ATP2B3: variants seen among roughly 807,000 people sequenced by gnomAD.
ATP2B3 encodes the protein ATPase plasma membrane Ca2+ transporting 3, also known as plasma membrane calcium-transporting ATPase 3.
In ATP2B3, 12 loss-of-function variants were observed where a neutral mutation model predicts 70.8. The observed-to-expected ratio is 0.17, with a 90% CI of 0.11 to 0.27. The LOEUF is 0.27. ATP2B3 is among the 10% of genes least tolerant of loss of function. The probability of loss-of-function intolerance (pLI) is 1.00; values close to 1 mark genes in which losing one functional copy is unlikely to be tolerated. For synonymous variants in ATP2B3, 460 were observed against 497.8 expected (o/e 0.92, Z 1.01); for missense variants, 858 against 1,118.5 (o/e 0.77, Z 3.32).
chrX:153,536,482 C>T (rs1306660260), intron 3 of ATP2B3, 27 bp downstream of exon 3: 1 of 1,170,758 alleles, frequency 8.5e-7, no homozygotes, highest in East Asian at 3.1e-5. Context: ...CTGCATGCCA[C>T]CCAGCCCTGC....
chrX:153,558,987 G>A (rs2090583802), intron 17 of ATP2B3, among the ~76,000 whole-genome samples: 1 of 111,763 alleles, frequency 8.9e-6, no homozygotes, highest in Non-Finnish European at 1.9e-5. Flanking sequence ...GCCTTAGAAA[G>A]GGGGTGTTTA....
chrX:153,571,388 G>A (rs1274459880), intron 21 of ATP2B3, among the ~76,000 whole-genome samples: 1 of 112,161 alleles, frequency 8.9e-6, no homozygotes, highest in African/African-American at 3.2e-5. Flanking sequence ...CTTCCTGTCT[G>A]TCTGTCCATT....
intron 10 of ATP2B3, among the ~76,000 whole-genome samples, 161 bp from the exon 11 acceptor site, chrX:153,549,336 C>T (rs781810911): frequency 9.0e-6 from 1 of 111,642 alleles, no homozygotes; most frequent in African/African-American, 3.3e-5. Context: ...TGCCTTACAG[C>T]CTCGCTATTG....
chrX:153,561,825 T>C (rs782228282), intron 19 of ATP2B3, among the ~76,000 whole-genome samples: 1 of 112,831 alleles, frequency 8.9e-6, no homozygotes. Context: ...TCTAGGGTCC[T>C]CCAGAATGAG....
In ATP2B3 at chrX:153,549,723, A is replaced by G. The variant is rs1557010583; in HGVS notation, c.1565A>G (p.Tyr522Cys). 1 of 1,211,284 alleles carries G rather than the reference A, an allele frequency of 8.3e-7. No individual in the cohort carries two copies. The highest frequency in any genetic ancestry group is 3.0e-5 in the East Asian group (1 of 33,817). ...CATGCCATCTCCATCAACAGTGCCT[A>G]TACCACCAAAATACTAGTGAGCTGG... ...LVHAISINSA[Y>C]TTKILPPEKE... The change falls in exon 11 of 22, where the codon TAT becomes TGT. Residue 522 changes from tyrosine to cysteine, a missense_variant. Physicochemically the swap from Tyr to Cys is radical, Grantham distance 194. Coordinates refer to ENST00000263519, the MANE Select transcript of ATP2B3 (RefSeq NM_001001344.3).
intron 21 of ATP2B3, among the ~76,000 whole-genome samples, chrX:153,567,517 G>A (rs782391265): frequency 3.5e-5 from 4 of 113,034 alleles, no homozygotes; most frequent in East Asian, 5.6e-4. Flanking sequence ...AGCCGAAGGC[G>A]ACGTTAGGTT....
chrX:153,572,496 AG>A (rs2090802960), intron 21 of ATP2B3, among the ~76,000 whole-genome samples: 1 of 112,226 alleles, frequency 8.9e-6, no homozygotes, highest in South Asian at 3.7e-4. Context: ...GGAAGTAGCA[AG>A]GGGGTGGCTA....
chrX:153,566,319 C>T (rs2090706795), intron 21 of ATP2B3, among the ~76,000 whole-genome samples: 1 of 112,945 alleles, frequency 8.9e-6, no homozygotes, highest in African/African-American at 3.2e-5. Context: ...GACACCACTG[C>T]ACACTTGGCT....
chrX:153,551,782 G>A (rs143080997), intron 12 of ATP2B3, among the ~76,000 whole-genome samples: 139 of 112,360 alleles, frequency 1.2e-3, no homozygotes, highest in African/African-American at 4.3e-3. Context: ...AAGGGAGAGT[G>A]CACAGCGTCA....
intron 2 of ATP2B3, among the ~76,000 whole-genome samples, chrX:153,522,401 C>T (rs1233929973): frequency 8.9e-6 from 1 of 112,299 alleles, no homozygotes; most frequent in African/African-American, 3.2e-5. Flanking sequence ...ACTGAGGCCA[C>T]GAGGCCAGCC....
chrX:153,569,186 A>G (rs1435756733), intron 21 of ATP2B3: 4 of 392,562 alleles, frequency 1.0e-5, no homozygotes, highest in Admixed American at 1.0e-4. Flanking sequence ...ATGGGGCATA[A>G]GTCCTCCGGG....
In ATP2B3 at chrX:153,523,257, A is replaced by G. The variant is rs139848509; in HGVS notation, c.-127+4706A>G. On this transcript the variant is annotated intron_variant, in intron 2 of 21. Transcript: ENST00000263519. ...ATGCAAAGAAGAAATTTGATCATTCAACAGTTATTTACCAAGCACCCGGGA... is the reference window on the plus strand; with the variant it reads ...ATGCAAAGAAGAAATTTGATCATTCGACAGTTATTTACCAAGCACCCGGGA... 2.9e-3 allele frequency among the ~76,000 whole-genome samples: 322 copies of G among 112,883 alleles called. 3 individuals are homozygous for G. The highest frequency in any genetic ancestry group is 9.5e-3 in the African/African-American group (294 of 31,089).
At chrX:153,562,034 G>A (rs1274057613) in intron 19 of ATP2B3, 101 bp from the exon 20 acceptor site, 16 of 751,305 alleles carry the variant, frequency 2.1e-5, no homozygotes, top group Non-Finnish European at 1.2e-5. Flanking sequence ...CCGTGCAACT[G>A]GGGGAACCAA....
intron 3 of ATP2B3, among the ~76,000 whole-genome samples, chrX:153,539,640 G>T (rs2090249493): frequency 8.8e-6 from 1 of 113,240 alleles, no homozygotes; most frequent in Non-Finnish European, 1.9e-5. Flanking sequence ...CCCAGGGCTG[G>T]GAGCTGCAAG....
chrX:153,518,095 C>T (rs1351380919), intron 1 of ATP2B3, among the ~76,000 whole-genome samples: 2 of 111,460 alleles, frequency 1.8e-5, no homozygotes, highest in African/African-American at 6.5e-5. Flanking sequence ...CGGCGGGCAG[C>T]GCCCCGCACC....
At chrX:153,541,204 T>G (rs1310244976) in intron 3 of ATP2B3, among the ~76,000 whole-genome samples, 155 bp from the exon 4 acceptor site, 1 of 112,780 alleles carries the variant, frequency 8.9e-6, no homozygotes, top group Non-Finnish European at 1.9e-5. Context: ...GAAAGGCTCC[T>G]GTCTAGAGGG....
chrX:153,523,844 C>A, intron 2 of ATP2B3, among the ~76,000 whole-genome samples: 1 of 109,305 alleles, frequency 9.1e-6, no homozygotes, highest in Admixed American at 9.8e-5. Context: ...TACAGGGGCC[C>A]GCCACCACAC....
chrX:153,538,171 C>G (rs782055919), intron 3 of ATP2B3, among the ~76,000 whole-genome samples: 1 of 112,935 alleles, frequency 8.9e-6, no homozygotes, highest in Non-Finnish European at 1.9e-5. Flanking sequence ...CTAGCCCGGC[C>G]GTGCACCCGG....
intron 3 of ATP2B3, among the ~76,000 whole-genome samples, chrX:153,537,062 T>C (rs782405185): frequency 8.9e-6 from 1 of 112,641 alleles, no homozygotes; most frequent in African/African-American, 3.2e-5. Context: ...CCCAGGGTAG[T>C]GTCGGTCTCA....
Sources: gnomAD v4.1 joint callset for allele counts (sites outside exome capture counted in the v4.1 genomes callset) on GRCh38, gnomAD v4.1.1 for gene constraint, MANE v1.5 for transcripts, NCBI Gene and HGNC (gene_info 2026-07-23, HGNC 2026-07-21) for gene names.